Variants in PTPRD observed in about 807,000 individuals in gnomAD.
The protein encoded by PTPRD is receptor-type tyrosine-protein phosphatase delta.
Under a neutral mutation model 214.5 loss-of-function variants are expected in PTPRD, and 34 were observed. The observed-to-expected ratio is 0.16, with a 90% CI of 0.12 to 0.21. The LOEUF (loss-of-function observed/expected upper bound fraction) is 0.21. Among genes scored for constraint, PTPRD ranks in the 10% least tolerant of loss-of-function variants. PTPRD has a pLI of 1.00. For synonymous variants in PTPRD, 1,128 were observed against 845.7 expected (o/e 1.33, Z -5.79); for missense variants, 2,545 against 2,398.7 (o/e 1.06, Z -1.27).
chr9:10,219,308 G>A (rs1343748976), intron 3 of PTPRD, among the ~76,000 whole-genome samples: 1 of 151,852 alleles, frequency 6.6e-6, no homozygotes, highest in Non-Finnish European at 1.5e-5. Context: ...AATTCTCTAA[G>A]CATTAGATTA....
At chr9:10,482,249 T>G (rs1399784123) in intron 2 of PTPRD, among the ~76,000 whole-genome samples, 1 of 151,822 alleles carries the variant, frequency 6.6e-6, no homozygotes, top group Non-Finnish European at 1.5e-5. Context: ...CGGGTGCCTG[T>G]AGTCCCAGCT....
At chr9:8,790,963 C>A (rs2096206500) in intron 11 of PTPRD, among the ~76,000 whole-genome samples, 1 of 152,138 alleles carries the variant, frequency 6.6e-6, no homozygotes, top group Non-Finnish European at 1.5e-5. Flanking sequence ...AGATACAGAA[C>A]GCTTTTGTTA....
chr9:9,966,039 G>A (rs2094672366), intron 4 of PTPRD, among the ~76,000 whole-genome samples: 1 of 152,114 alleles, frequency 6.6e-6, no homozygotes, highest in African/African-American at 2.4e-5. Context: ...AGAGGCTTGG[G>A]ACTGCATAGA....
intron 3 of PTPRD, among the ~76,000 whole-genome samples, chr9:10,318,050 GT>G (rs1163267213): frequency 6.6e-6 from 1 of 151,740 alleles, no homozygotes; most frequent in South Asian, 2.1e-4. Context: ...CTGTTGCTAC[GT>G]TTTTTCCCCT....
intron 10 of PTPRD, among the ~76,000 whole-genome samples, chr9:9,071,047 G>C (rs1344922981): frequency 8.5e-5 from 13 of 152,078 alleles, no homozygotes; most frequent in Admixed American, 8.5e-4. Context: ...CTGAGTGATT[G>C]GGACCACAGG....
intron 3 of PTPRD, among the ~76,000 whole-genome samples, chr9:10,048,076 T>C (rs1459740653): frequency 6.6e-6 from 1 of 152,190 alleles, no homozygotes; most frequent in Non-Finnish European, 1.5e-5. Context: ...CATCTATTTC[T>C]CGCTGCAAAG....
At chr9:8,561,231 G>C (rs1025390311) in intron 14 of PTPRD, among the ~76,000 whole-genome samples, 2 of 151,532 alleles carry the variant, frequency 1.3e-5, no homozygotes, top group African/African-American at 4.9e-5. Context: ...AATCTTTTTT[G>C]AATATTCACA....
At chr9:9,357,083 T>C (rs2054091655) in intron 9 of PTPRD, among the ~76,000 whole-genome samples, 1 of 151,348 alleles carries the variant, frequency 6.6e-6, no homozygotes, top group Non-Finnish European at 1.5e-5. Context: ...ACTTTAATTC[T>C]CTTATGCCTA....
At chr9:8,731,955 G>A (rs78570136) in intron 12 of PTPRD, among the ~76,000 whole-genome samples, 1 of 152,268 alleles carries the variant, frequency 6.6e-6, no homozygotes, top group South Asian at 2.1e-4. Context: ...TCTTTTTCAA[G>A]GGACATCTTA....
intron 11 of PTPRD, among the ~76,000 whole-genome samples, chr9:8,942,950 G>T (rs2099042527): frequency 6.6e-6 from 1 of 152,082 alleles, no homozygotes. Context: ...AAAGTTGCAG[G>T]ATAGAAAATC....
intron 35 of PTPRD, among the ~76,000 whole-genome samples, chr9:8,407,090 T>C (rs2093058163): frequency 6.6e-6 from 1 of 152,204 alleles, no homozygotes; most frequent in South Asian, 2.1e-4. Flanking sequence ...CAGCCTTCTG[T>C]AGGACTTACT....
At position 8,449,686 on chromosome 9, in the gene PTPRD, G is replaced by A. The variant is rs776935650; in HGVS notation, c.3988+39C>T. 22 of 1,579,846 alleles carry A rather than the reference G, an allele frequency of 1.4e-5. No individual in the cohort carries two copies. In the South Asian group the frequency reaches 2.2e-4, roughly 16 times the overall value. On this transcript the variant is annotated intron_variant, in intron 34 of 45. Coordinates refer to ENST00000381196, the MANE Select transcript of PTPRD (RefSeq NM_002839.4). ...ATCAATTGAGCTGTACAACTTCTGGGAAAGACTGTGTGTGGATTAGATGTG... is the reference window on the plus strand; with the variant it reads ...ATCAATTGAGCTGTACAACTTCTGGAAAAGACTGTGTGTGGATTAGATGTG...
intron 9 of PTPRD, among the ~76,000 whole-genome samples, chr9:9,381,694 G>C (rs13301335): frequency 7.3e-6 from 1 of 137,914 alleles, no homozygotes; most frequent in African/African-American, 2.7e-5. Context: ...TTGTTGTTTT[G>C]TTTTTTGTTT....
At chr9:9,432,276 A>G (rs1190830933) in intron 8 of PTPRD, among the ~76,000 whole-genome samples, 1 of 152,024 alleles carries the variant, frequency 6.6e-6, no homozygotes, top group Non-Finnish European at 1.5e-5. Context: ...TGGCTTATCT[A>G]TTTCTGAAGC....
intron 9 of PTPRD, among the ~76,000 whole-genome samples, chr9:9,237,083 A>G (rs1258495564): frequency 6.6e-6 from 1 of 152,208 alleles, no homozygotes; most frequent in Non-Finnish European, 1.5e-5. Context: ...AAGGAAAAAG[A>G]AACAATTTAT....
chr9:9,684,577 G>C (rs892214053), intron 7 of PTPRD, among the ~76,000 whole-genome samples: 2 of 151,666 alleles, frequency 1.3e-5, no homozygotes, highest in African/African-American at 4.8e-5. Flanking sequence ...GGAGGAGACT[G>C]AGTGGGTAGG....
At chr9:10,449,608 C>T (rs1177588751) in intron 2 of PTPRD, among the ~76,000 whole-genome samples, 7 of 150,858 alleles carry the variant, frequency 4.6e-5, no homozygotes, top group East Asian at 3.9e-4. Flanking sequence ...TCTGCCCAGC[C>T]GCCCATCGTC....
At chr9:10,535,402 T>C (rs905624408) in intron 2 of PTPRD, among the ~76,000 whole-genome samples, 1 of 152,144 alleles carries the variant, frequency 6.6e-6, no homozygotes, top group Non-Finnish European at 1.5e-5. Flanking sequence ...GCTGATTCAT[T>C]AGAAAATTTA....
At chr9:9,242,672 G>A (rs185834449) in intron 9 of PTPRD, among the ~76,000 whole-genome samples, 144 of 152,218 alleles carry the variant, frequency 9.5e-4, no homozygotes, top group African/African-American at 3.3e-3. Flanking sequence ...TAGTTCTTGT[G>A]CCATGGTTTT....
Sources: gnomAD v4.1 joint callset for allele counts (sites outside exome capture counted in the v4.1 genomes callset) on GRCh38, gnomAD v4.1.1 for gene constraint, MANE v1.5 for transcripts, NCBI Gene and HGNC (gene_info 2026-07-23, HGNC 2026-07-21) for gene names.